Variants in UBE2D2 observed in about 807,000 individuals in gnomAD.
UBE2D2 encodes the protein ubiquitin conjugating enzyme E2 D2.
A neutral mutation model predicts 24.2 loss-of-function variants in UBE2D2; 2 were observed. That is an observed-to-expected ratio of 0.08 (90% confidence interval 0.03 to 0.26). The LOEUF (loss-of-function observed/expected upper bound fraction) is 0.26, where lower values mean the gene tolerates loss of function less well. Among genes scored for constraint, UBE2D2 ranks in the 10% least tolerant of loss-of-function variants. The pLI is 1.00. For missense variants in UBE2D2, 44 were observed against 177.6 expected (o/e 0.25, Z 4.28); for synonymous variants, 58 against 56.5 (o/e 1.03, Z -0.12).
At chr5:139,548,193 A>AAAAAATAAAAAT in intron 1 of UBE2D2, among the ~76,000 whole-genome samples, 1 of 47,116 alleles carries the variant, frequency 2.1e-5, no homozygotes, top group East Asian at 6.6e-4. Flanking sequence ...ATAAAAAAAA[A>AAAAAATAAAAAT]AAATAAATAA....
intron 2 of UBE2D2, among the ~76,000 whole-genome samples, chr5:139,607,163 C>T (rs1754217664): frequency 6.6e-6 from 1 of 152,204 alleles, no homozygotes; most frequent in Non-Finnish European, 1.5e-5. Context: ...CTGTCACTAG[C>T]TTCTCTGATT....
chr5:139,575,200 C>G (rs1753441878), intron 1 of UBE2D2, among the ~76,000 whole-genome samples: 1 of 152,180 alleles, frequency 6.6e-6, no homozygotes, highest in Non-Finnish European at 1.5e-5. Context: ...GAGCTGGACT[C>G]TTTCACCTTT....
chr5:139,589,071 A>G (rs910285452), intron 1 of UBE2D2, among the ~76,000 whole-genome samples: 1 of 152,144 alleles, frequency 6.6e-6, no homozygotes, highest in African/African-American at 2.4e-5. Flanking sequence ...CATTACAGGC[A>G]TGAGCCACCA....
At chr5:139,599,130 A>G (rs1228917816) in intron 1 of UBE2D2, among the ~76,000 whole-genome samples, 3 of 151,382 alleles carry the variant, frequency 2.0e-5, no homozygotes, top group South Asian at 4.2e-4. Flanking sequence ...GGGTTTTACC[A>G]TGTTCACCAG....
intron 1 of UBE2D2, among the ~76,000 whole-genome samples, chr5:139,539,803 G>T (rs1415698190): frequency 1.3e-5 from 2 of 151,918 alleles, no homozygotes; most frequent in African/African-American, 2.4e-5. Context: ...CGCCATGTTG[G>T]CCAGGCTGGT....
At chr5:139,534,869 T>G (rs1180133205) in intron 1 of UBE2D2, among the ~76,000 whole-genome samples, 4 of 152,196 alleles carry the variant, frequency 2.6e-5, no homozygotes, top group Admixed American at 2.0e-4. Flanking sequence ...CTGGGTGCGG[T>G]GGCTCACACC....
intron 1 of UBE2D2, among the ~76,000 whole-genome samples, chr5:139,538,001 A>C (rs1561496265): frequency 6.6e-6 from 1 of 151,564 alleles, no homozygotes; most frequent in African/African-American, 2.4e-5. Flanking sequence ...TATTTTGTTA[A>C]CCTATGGCAT....
At chr5:139,594,470 G>A (rs1423866028) in intron 1 of UBE2D2, among the ~76,000 whole-genome samples, 1 of 151,974 alleles carries the variant, frequency 6.6e-6, no homozygotes, top group Non-Finnish European at 1.5e-5. Flanking sequence ...CTGGAGTGCA[G>A]TGGCATGATC....
chr5:139,569,752 G>A (rs1753311955), intron 1 of UBE2D2, among the ~76,000 whole-genome samples: 2 of 152,176 alleles, frequency 1.3e-5, no homozygotes, highest in African/African-American at 4.8e-5. Context: ...GTAAGAGTAG[G>A]TCTGAATTGA....
chr5:139,591,921 C>T (rs1172898011), intron 1 of UBE2D2, among the ~76,000 whole-genome samples: 4 of 152,048 alleles, frequency 2.6e-5, no homozygotes, highest in South Asian at 2.1e-4. Flanking sequence ...AACCTGGGGC[C>T]GGGCGCGGTG....
intron 1 of UBE2D2, among the ~76,000 whole-genome samples, chr5:139,568,077 T>A (rs261533): frequency 6.6e-6 from 1 of 151,868 alleles, no homozygotes; most frequent in Admixed American, 6.6e-5. Context: ...TGCGGTGGCT[T>A]ATGCCTGTAA....
At chr5:139,554,817 C>T (rs967015249) in intron 1 of UBE2D2, 3 of 152,174 alleles carry the variant, frequency 2.0e-5, no homozygotes, top group Admixed American at 6.6e-5. Flanking sequence ...AATTGCTGTA[C>T]ATCCTTGTCA....
At chr5:139,618,728 G>T (rs1298182556) in intron 5 of UBE2D2, among the ~76,000 whole-genome samples, 1 of 152,126 alleles carries the variant, frequency 6.6e-6, no homozygotes, top group Non-Finnish European at 1.5e-5. Context: ...AGTCTGATTT[G>T]TTAGGTTCTC....
intron 4 of UBE2D2, 31 bp downstream of exon 4, chr5:139,614,805 G>A: frequency 1.2e-6 from 2 of 1,612,278 alleles, no homozygotes; most frequent in Non-Finnish European, 1.7e-6. Flanking sequence ...AGTTTTTAAT[G>A]TACTTTCTAT....
chr5:139,567,118 G>T (rs1200824898), intron 1 of UBE2D2, among the ~76,000 whole-genome samples: 1 of 152,050 alleles, frequency 6.6e-6, no homozygotes, highest in Non-Finnish European at 1.5e-5. Context: ...GTTTGTTTTT[G>T]AGATGGAGTC....
rs1466626828 is a variant in UBE2D2 at position 139,539,327 on chromosome 5, A to G, written c.-64+12715A>G. On this transcript the variant is annotated intron_variant, in intron 1 of 6. Transcript: ENST00000511725. ...CATGAGCCACCGCACCTGGCCAGAA[A>G]AGTCAATCTCAAAAGGTCACATACT... 2.6e-4 allele frequency among the ~76,000 whole-genome samples: 40 copies of G among 151,968 alleles called. 1 individual carries two copies. The highest frequency in any genetic ancestry group is 5.9e-5 in the Non-Finnish European group (4 of 67,974).
At chr5:139,575,284 A>G (rs1376424274) in intron 1 of UBE2D2, among the ~76,000 whole-genome samples, 2 of 152,150 alleles carry the variant, frequency 1.3e-5, no homozygotes, top group East Asian at 3.9e-4. Context: ...GGCTTCTTAG[A>G]TTTGGTGGAC....
At chr5:139,609,679 CTA>C (rs1214477784) in intron 2 of UBE2D2, among the ~76,000 whole-genome samples, 1 of 145,270 alleles carries the variant, frequency 6.9e-6, no homozygotes, top group African/African-American at 2.5e-5. Flanking sequence ...CTGCGCATCT[CTA>C]TTTAAAAAAA....
chr5:139,577,048 A>G (rs561384450), intron 1 of UBE2D2, among the ~76,000 whole-genome samples: 2 of 148,610 alleles, frequency 1.3e-5, no homozygotes, highest in South Asian at 4.2e-4. Context: ...AGTAAAATTT[A>G]ACAGTTTATG....
Sources: gnomAD v4.1 joint callset for allele counts (sites outside exome capture counted in the v4.1 genomes callset) on GRCh38, gnomAD v4.1.1 for gene constraint, MANE v1.5 for transcripts, NCBI Gene and HGNC (gene_info 2026-07-23, HGNC 2026-07-21) for gene names.